Variants in TNRC6B observed in about 807,000 individuals in gnomAD.
TNRC6B encodes the protein trinucleotide repeat-containing gene 6B protein.
Under a neutral mutation model 203.6 loss-of-function variants are expected in TNRC6B, and 52 were observed. The observed-to-expected ratio is 0.26, with a 90% CI of 0.20 to 0.32. The LOEUF (loss-of-function observed/expected upper bound fraction) is 0.32. Among genes scored for constraint, TNRC6B ranks in the 10% least tolerant of loss-of-function variants. TNRC6B has a pLI of 1.00. For missense variants in TNRC6B, 1,923 were observed against 2,286.2 expected, an observed-to-expected ratio of 0.84 and a Z score of 3.24; for synonymous variants, 838 against 845.7, an observed-to-expected ratio of 0.99 and a Z score of 0.16.
At chr22:40,242,197 TG>T (rs2070038799) in intron 1 of TNRC6B, among the ~76,000 whole-genome samples, 1 of 151,946 alleles carries the variant, frequency 6.6e-6, no homozygotes, top group Non-Finnish European at 1.5e-5. Flanking sequence ...TGTGTGTGTG[TG>T]TGTGTGTGTG....
chr22:40,199,228 A>AC (rs1302759351), intron 1 of TNRC6B, among the ~76,000 whole-genome samples: 2 of 152,170 alleles, frequency 1.3e-5, no homozygotes, highest in Non-Finnish European at 2.9e-5. Flanking sequence ...AAACCTATGT[A>AC]CGGACTTATC....
At chr22:40,106,282 A>C (rs1266895234) in intron 1 of TNRC6B, 13 of 461,264 alleles carry the variant, frequency 2.8e-5, no homozygotes, top group Non-Finnish European at 4.9e-5. Flanking sequence ...ACTGTTTATT[A>C]ACTGACCAGC....
At position 40,324,578 on chromosome 22, in the gene TNRC6B, T is replaced by C. The variant is rs759044220; in HGVS notation, c.*1337T>C. On this transcript the variant is annotated 3_prime_UTR_variant, in exon 23 of 23. Coordinates refer to ENST00000454349, the MANE Select transcript of TNRC6B (RefSeq NM_001162501.2). ...GCAGCCTCCTGAAAGCATCTGCAGC[T>C]ACTCCCTCTGCTCCTTTCTCGCCGA... 3.3e-5 allele frequency: 5 copies of C among 152,678 alleles called. No homozygotes were observed. The highest frequency in any genetic ancestry group is 5.9e-5 in the Non-Finnish European group (4 of 68,040). The allele number at this position is 152,678 out of a possible 1,614,324, so 9.5% of individuals were successfully genotyped here.
intron 3 of TNRC6B, among the ~76,000 whole-genome samples, chr22:40,254,332 A>G (rs2070237118): frequency 6.6e-6 from 1 of 152,188 alleles, no homozygotes; most frequent in African/African-American, 2.4e-5. Flanking sequence ...TAATGGAGGA[A>G]GTTGGACATA....
At position 40,270,259 on chromosome 22, in the gene TNRC6B, G is replaced by A. The variant is rs1028838981; in HGVS notation, c.2944G>A (p.Ala982Thr). ...TTGWGNTPANAPNAMKPNSKS... is the reference protein window; with the variant it reads ...TTGWGNTPANTPNAMKPNSKS... ...AGGCTGGGGGAACACGCCCGCCAAC[G>A]CTCCCAATGCCATGAAGCCTAGTAA... Residue 982 changes from alanine to threonine, a missense_variant, in exon 6 of 23, where the codon GCT becomes ACT. Ala to Thr is a moderately conservative substitution (Grantham distance 58). Around this residue, in one of 8 missense-constraint regions of TNRC6B, gnomAD observed 599 missense variants for 656.5 expected, o/e 0.91. Coordinates refer to ENST00000454349, the MANE Select transcript of TNRC6B (RefSeq NM_001162501.2). 15 of 1,463,202 alleles carry A rather than the reference G, an allele frequency of 1.0e-5. No individual in the cohort carries two copies. The highest frequency in any genetic ancestry group is 1.5e-5 in the African/African-American group (1 of 68,100). The allele number at this position is 1,463,202 out of a possible 1,614,324, so 90.6% of individuals were successfully genotyped here.
chr22:40,269,071 T>C (rs895929795), intron 5 of TNRC6B, among the ~76,000 whole-genome samples: 2 of 150,990 alleles, frequency 1.3e-5, no homozygotes, highest in Admixed American at 6.6e-5. Context: ...ATTATACTTA[T>C]AGCTTCCAAT....
At chr22:40,143,700 G>A (rs904575318) in intron 3 of TNRC6B, among the ~76,000 whole-genome samples, 4 of 152,144 alleles carry the variant, frequency 2.6e-5, no homozygotes, top group East Asian at 3.9e-4. Context: ...GTTTCACCGT[G>A]TTAGCCAGGA....
chr22:40,226,178 T>A (rs897782068), intron 1 of TNRC6B, among the ~76,000 whole-genome samples: 6 of 152,188 alleles, frequency 3.9e-5, no homozygotes, highest in Non-Finnish European at 8.8e-5. Flanking sequence ...CTTGCTAAAT[T>A]TAAATGACAA....
intron 3 of TNRC6B, among the ~76,000 whole-genome samples, chr22:40,253,377 G>T (rs1027658207): frequency 6.6e-6 from 1 of 151,372 alleles, no homozygotes; most frequent in Non-Finnish European, 1.5e-5. Context: ...GGTGTGAGCC[G>T]CTGCACCCAG....
chr22:40,311,025 G>A (rs1326760188), intron 17 of TNRC6B, 32 bp downstream of exon 17: 3 of 1,582,582 alleles, frequency 1.9e-6, no homozygotes, highest in East Asian at 2.3e-5. Context: ...TCCCAGGATA[G>A]CATTTGTTTT....
chr22:40,310,455 C>G (rs2071160747), intron 16 of TNRC6B, among the ~76,000 whole-genome samples: 1 of 152,174 alleles, frequency 6.6e-6, no homozygotes, highest in Admixed American at 6.5e-5. Context: ...GAATTTTCCC[C>G]ATTTCTCACT....
chr22:40,271,634 T>C (rs946648605), intron 6 of TNRC6B, among the ~76,000 whole-genome samples: 1 of 152,210 alleles, frequency 6.6e-6, no homozygotes. Context: ...TGCAAGAAGA[T>C]GTTAATCAGA....
In TNRC6B at chr22:40,301,286, G is replaced by T; in HGVS notation, c.4073G>T (p.Gly1358Val). 6.2e-7 allele frequency: 1 copy of T among 1,601,590 alleles called. No homozygotes were observed. The highest frequency in any genetic ancestry group is 8.5e-7 in the Non-Finnish European group (1 of 1,173,422). ...DNMVPNALNV[G>V]LPDLQTKGPI... Reference sequence around the variant, plus strand: ...ATGGTACCCAACGCATTGAATGTGGGGCTCCCAGACCTTCAAACCAAAGGG... The same window carrying T: ...ATGGTACCCAACGCATTGAATGTGGTGCTCCCAGACCTTCAAACCAAAGGG... Residue 1358 changes from glycine to valine, a missense_variant, in exon 15 of 23, where the codon GGG becomes GTG. Gly to Val is a moderately radical substitution (Grantham distance 109). This residue lies in a region of TNRC6B where 242 missense variants were observed against 399.5 expected (regional missense o/e 0.61). Coordinates refer to ENST00000454349, the MANE Select transcript of TNRC6B (RefSeq NM_001162501.2).
chr22:40,255,489 C>G (rs550503976), intron 3 of TNRC6B, among the ~76,000 whole-genome samples: 1 of 152,192 alleles, frequency 6.6e-6, no homozygotes, highest in African/African-American at 2.4e-5. Context: ...AAACTACTTA[C>G]AGCACCCCTC....
chr22:40,251,062 G>C, intron 2 of TNRC6B, 117 bp from the exon 3 acceptor site: 1 of 741,284 alleles, frequency 1.3e-6, no homozygotes, highest in Admixed American at 3.7e-5. Flanking sequence ...CTGGATTTCA[G>C]CTATGCCTGT....
chr22:40,215,106 TAAC>T (rs201506335), intron 1 of TNRC6B, among the ~76,000 whole-genome samples: 3,824 of 152,288 alleles, frequency 0.025, 86 homozygotes, highest in Admixed American at 0.048. Flanking sequence ...GGATGTATCT[TAAC>T]AATTCATGGA....
intron 1 of TNRC6B, among the ~76,000 whole-genome samples, chr22:40,095,695 G>A (rs1162888013): frequency 6.7e-6 from 1 of 150,280 alleles, no homozygotes; most frequent in Non-Finnish European, 1.5e-5. Flanking sequence ...ATGCCATCTA[G>A]TAGGCAATTA....
rs1341897418 is a variant in TNRC6B at position 40,320,126 on chromosome 22, G to GT, written c.4975-963dup. 1.4e-4 allele frequency among the ~76,000 whole-genome samples: 21 copies of GT among 152,160 alleles called. 1 individual carries two copies. The highest frequency in any genetic ancestry group is 1.4e-3 in the Admixed American group (21 of 15,284). On this transcript the variant is annotated intron_variant, in intron 21 of 22. Transcript: ENST00000454349. ...GTACAGCTTTTTAATCTATTCAATA[G>GT]TAATCTGTTTATCTTCCAAAGAAAT...
chr22:40,261,910 A>T lies in TNRC6B; in HGVS notation c.194A>T (p.Asn65Ile), dbSNP rs369778586. The change falls in exon 4 of 23, where the codon AAT becomes ATT. Residue 65 changes from asparagine to isoleucine, a missense_variant. Coordinates refer to ENST00000454349, the MANE Select transcript of TNRC6B (RefSeq NM_001162501.2). ...GGCAGCTCTCCATCGCCACCAGTCAATGGTGGCAACAATGCCAAAAGGGTG... is the reference window on the plus strand; with the variant it reads ...GGCAGCTCTCCATCGCCACCAGTCATTGGTGGCAACAATGCCAAAAGGGTG... ...PIGSSPSPPV[N>I]GGNNAKRVAV... 2 of 1,609,340 alleles carry T rather than the reference A, an allele frequency of 1.2e-6. No individual in the cohort carries two copies. Among genetic ancestry groups the T allele is most frequent in the Non-Finnish European group, 1.7e-6 (2 of 1,176,370 alleles).
Sources: allele counts gnomAD v4.1 joint callset (sites outside exome capture counted in the v4.1 genomes callset), GRCh38; gene constraint gnomAD v4.1.1; regional missense constraint gnomAD v4.1.1; transcripts MANE v1.5; gene names NCBI Gene and HGNC (gene_info 2026-07-23, HGNC 2026-07-21).